The following AUTS2 variants were observed in gnomAD, a reference collection of about 807,000 sequenced individuals.
AUTS2 encodes autism susceptibility gene 2 protein.
A neutral mutation model predicts 112.4 loss-of-function variants in AUTS2; 17 were observed. The ratio of observed to expected loss-of-function variants is 0.15; its 90% CI spans 0.10 to 0.23. The LOEUF is 0.23. AUTS2 is among the 10% of genes least tolerant of loss of function. AUTS2 has a pLI of 1.00. For missense variants in AUTS2, 1,510 were observed against 1,701.6 expected, an observed-to-expected ratio of 0.89 and a Z score of 1.98; for synonymous variants, 751 against 702.7, an observed-to-expected ratio of 1.07 and a Z score of -1.09.
At chr7:70,579,256 A>AAAAAAAAAAAAAAAAAAAAAAC (rs1485374923) in intron 5 of AUTS2, among the ~76,000 whole-genome samples, 1 of 149,062 alleles carries the variant, frequency 6.7e-6, no homozygotes, top group African/African-American at 2.5e-5. Flanking sequence ...AAAAAAAAAA[A>AAAAAAAAAAAAAAAAAAAAAAC]AAAAAAGATG....
At chr7:70,420,293 T>TACAG (rs1795164662) in intron 4 of AUTS2, among the ~76,000 whole-genome samples, 4 of 152,172 alleles carry the variant, frequency 2.6e-5, no homozygotes, top group African/African-American at 9.7e-5. Flanking sequence ...TACAGTGAAG[T>TACAG]TGCTGTAGGT....
rs181772820 is a variant in AUTS2, at chr7:70,695,485, G to C, written c.691-3084G>C. On this transcript the variant is annotated intron_variant, in intron 5 of 18. Transcript: ENST00000342771. ...GGGAGGCGAAAGGAGATCTGGGCTC[G>C]GGTTCGGCAGCGGGAGAAAGAACTC... Among the ~76,000 whole-genome samples the C allele has an allele frequency of 3.2e-3, 494 of 152,330 alleles. 4 individuals carry two copies. Among genetic ancestry groups the C allele is most frequent in the African/African-American group, 0.011 (474 of 41,590 alleles).
intron 4 of AUTS2, among the ~76,000 whole-genome samples, chr7:70,297,426 A>ATTTTTT (rs764795939): frequency 7.3e-6 from 1 of 136,434 alleles, no homozygotes. Context: ...GAGGAAGATA[A>ATTTTTT]TTTTTTTTTT....
intron 2 of AUTS2, among the ~76,000 whole-genome samples, chr7:69,938,096 T>C (rs1291019672): frequency 6.6e-6 from 1 of 152,212 alleles, no homozygotes; most frequent in Non-Finnish European, 1.5e-5. Flanking sequence ...AGAAATAATC[T>C]TCTTAAAGCC....
At chr7:69,766,826 A>G (rs1788441933) in intron 1 of AUTS2, among the ~76,000 whole-genome samples, 1 of 152,208 alleles carries the variant, frequency 6.6e-6, no homozygotes, top group African/African-American at 2.4e-5. Flanking sequence ...CATGCTTCTC[A>G]CTTTAGGTTA....
intron 5 of AUTS2, among the ~76,000 whole-genome samples, chr7:70,438,857 G>C (rs888745647): frequency 1.3e-5 from 2 of 152,208 alleles, no homozygotes; most frequent in Non-Finnish European, 2.9e-5. Context: ...AGCCCCACCA[G>C]GGATGCTGTT....
chr7:69,723,091 A>T (rs1799050870), intron 1 of AUTS2, among the ~76,000 whole-genome samples: 1 of 152,132 alleles, frequency 6.6e-6, no homozygotes, highest in African/African-American at 2.4e-5. Flanking sequence ...CCTGCAGGTC[A>T]TAGCAGTCCC....
chr7:70,122,865 C>CTT (rs11297258), intron 3 of AUTS2, among the ~76,000 whole-genome samples: 190 of 92,980 alleles, frequency 2.0e-3, no homozygotes, highest in Non-Finnish European at 3.1e-3. Context: ...GAGATGAAAG[C>CTT]TTTTTTTTTT....
At chr7:70,114,877 A>G (rs1805277584) in intron 2 of AUTS2, among the ~76,000 whole-genome samples, 1 of 152,108 alleles carries the variant, frequency 6.6e-6, no homozygotes, top group African/African-American at 2.4e-5. Flanking sequence ...CTTGTGGTTT[A>G]GCTTTAGTAC....
chr7:69,688,549 C>G (rs1797161506), intron 1 of AUTS2, among the ~76,000 whole-genome samples: 1 of 152,062 alleles, frequency 6.6e-6, no homozygotes, highest in African/African-American at 2.4e-5. Context: ...TAGTGATGTT[C>G]AATACATACA....
At chr7:70,003,910 T>G in intron 2 of AUTS2, among the ~76,000 whole-genome samples, 1 of 83,452 alleles carries the variant, frequency 1.2e-5, no homozygotes, top group South Asian at 3.9e-4. Context: ...TATATATGAA[T>G]GTGTTATATA....
At chr7:69,623,381 ATTT>A (rs56204810) in intron 1 of AUTS2, among the ~76,000 whole-genome samples, 1,160 of 71,934 alleles carry the variant, frequency 0.016, 19 homozygotes, top group African/African-American at 0.057. Flanking sequence ...ACGCCCAGCA[ATTT>A]TTTTTTTTTT....
chr7:70,159,819 A>G (rs996424361), intron 4 of AUTS2, among the ~76,000 whole-genome samples: 1 of 152,224 alleles, frequency 6.6e-6, no homozygotes, highest in Admixed American at 6.5e-5. Context: ...AATACTGAAT[A>G]TGAGTATCTA....
intron 18 of AUTS2, among the ~76,000 whole-genome samples, chr7:70,788,292 G>A (rs1472506406): frequency 3.3e-5 from 5 of 151,786 alleles, no homozygotes; most frequent in African/African-American, 7.3e-5. Flanking sequence ...TTTGTATACC[G>A]TGTATGTATG....
At chr7:70,718,936 T>G (rs1368714675) in intron 6 of AUTS2, among the ~76,000 whole-genome samples, 2 of 152,196 alleles carry the variant, frequency 1.3e-5, no homozygotes, top group Non-Finnish European at 2.9e-5. Flanking sequence ...CACCCTGGAC[T>G]GTCCATGTAA....
At chr7:69,911,660 G>A (rs1277475138) in intron 2 of AUTS2, among the ~76,000 whole-genome samples, 2 of 152,154 alleles carry the variant, frequency 1.3e-5, no homozygotes, top group African/African-American at 2.4e-5. Context: ...TCAGTGGAGA[G>A]GCGAGCCGCA....
chr7:70,400,921 A>G (rs1297970930), intron 4 of AUTS2, among the ~76,000 whole-genome samples: 4 of 152,150 alleles, frequency 2.6e-5, no homozygotes, highest in Non-Finnish European at 2.9e-5. Flanking sequence ...ACTGCTTTAG[A>G]AGGTTAATCT....
At chr7:69,681,600 G>A (rs1051173489) in intron 1 of AUTS2, among the ~76,000 whole-genome samples, 7 of 152,174 alleles carry the variant, frequency 4.6e-5, no homozygotes, top group Admixed American at 1.3e-4. Context: ...GACTTAGGCT[G>A]CAATTGCTAT....
chr7:69,713,916 T>C (rs1480205273), intron 1 of AUTS2, among the ~76,000 whole-genome samples: 2 of 152,310 alleles, frequency 1.3e-5, no homozygotes, highest in East Asian at 1.9e-4. Context: ...AATACCAGTT[T>C]GTTCTTTTAT....
Sources: allele counts gnomAD v4.1 joint callset (sites outside exome capture counted in the v4.1 genomes callset), GRCh38; gene constraint gnomAD v4.1.1; transcripts MANE v1.5; gene names NCBI Gene and HGNC (gene_info 2026-07-23, HGNC 2026-07-21).